Variants in DMD observed in about 807,000 individuals in gnomAD.
DMD encodes the protein mutant dystrophin.
DMD carries 63 observed loss-of-function variants against 330.1 expected under a neutral mutation model. The observed-to-expected ratio is 0.19, with a 90% confidence interval of 0.16 to 0.24. DMD has a LOEUF of 0.24. Ranked by LOEUF, DMD falls within the 10% of genes least tolerant of loss-of-function variation. The pLI, the probability that DMD is intolerant of heterozygous loss-of-function variation, is 1.00. For missense variants in DMD, 3,344 were observed against 2,684.1 expected (o/e 1.25, Z -5.43); for synonymous variants, 1,223 against 959.8 (o/e 1.27, Z -5.07).
chrX:33,336,854 C>G (rs1053214372), intron 1 of DMD, among the ~76,000 whole-genome samples: 1 of 111,027 alleles, frequency 9.0e-6, no homozygotes, highest in Non-Finnish European at 1.9e-5. Flanking sequence ...GCAGGCTGAC[C>G]CTGTTTTAGA....
chrX:32,897,608 C>A (rs2085843916), intron 2 of DMD, among the ~76,000 whole-genome samples: 1 of 112,454 alleles, frequency 8.9e-6, no homozygotes, highest in Non-Finnish European at 1.9e-5. Context: ...CATTTGCCAA[C>A]TGTTGTTATA....
In DMD at chrX:32,438,361, C is replaced by T. The variant is rs199643655; in HGVS notation, c.3951G>A (p.Glu1317=). 3.2e-4 allele frequency: 391 copies of T among 1,209,796 alleles called. No homozygotes were observed. The highest frequency in any genetic ancestry group is 4.1e-4 in the Non-Finnish European group (370 of 895,105). The change falls in exon 29 of 79, where the codon GAG becomes GAA. Residue 1317 remains glutamate, a synonymous_variant. Coordinates refer to ENST00000357033, the MANE Select transcript of DMD (RefSeq NM_004006.3). ...ATATGCGAATCTGATTTGGGTTATCCTCTGAATGTCGCATCAAATTTTCAA... is the reference window on the plus strand; with the variant it reads ...ATATGCGAATCTGATTTGGGTTATCTTCTGAATGTCGCATCAAATTTTCAA... ...DSLENLMRHS[E]DNPNQIRILA... is the part of the protein sequence containing the mutation.
At chrX:32,522,710 T>G (rs1426093645) in intron 17 of DMD, among the ~76,000 whole-genome samples, 1 of 112,188 alleles carries the variant, frequency 8.9e-6, no homozygotes, top group Non-Finnish European at 1.9e-5. Context: ...AGAAACAAAT[T>G]TCGCTTCATA....
chrX:31,963,588 C>T (rs928353457), intron 45 of DMD, among the ~76,000 whole-genome samples: 12 of 110,711 alleles, frequency 1.1e-4, no homozygotes, highest in African/African-American at 2.0e-4. Context: ...TACGTTTCTA[C>T]GTACTATTCA....
At chrX:31,180,770 T>G (rs1359305774) in intron 68 of DMD, among the ~76,000 whole-genome samples, 1 of 111,789 alleles carries the variant, frequency 8.9e-6, no homozygotes, top group East Asian at 2.8e-4. Flanking sequence ...AGTAGGAAGG[T>G]ACTGGAAAAT....
At chrX:32,254,236 T>G (rs1167059278) in intron 43 of DMD, among the ~76,000 whole-genome samples, 1 of 111,293 alleles carries the variant, frequency 9.0e-6, no homozygotes, top group Non-Finnish European at 1.9e-5. Context: ...GAGATGGGGT[T>G]TCACCATGTT....
At chrX:32,066,780 GCA>G (rs1296480699) in intron 44 of DMD, among the ~76,000 whole-genome samples, 1 of 111,321 alleles carries the variant, frequency 9.0e-6, no homozygotes, top group Non-Finnish European at 1.9e-5. Context: ...ACTTCTGTGC[GCA>G]CAAACTAATG....
chrX:32,690,009 A>C (rs2063157469), intron 9 of DMD, among the ~76,000 whole-genome samples: 1 of 110,367 alleles, frequency 9.1e-6, no homozygotes, highest in Non-Finnish European at 1.9e-5. Context: ...CAAGGTAAGT[A>C]TGCCCATTCT....
At chrX:32,647,300 A>G (rs907248796) in intron 9 of DMD, among the ~76,000 whole-genome samples, 2 of 111,902 alleles carry the variant, frequency 1.8e-5, no homozygotes, top group African/African-American at 6.5e-5. Context: ...TGCATATAGC[A>G]TTTTCAATGC....
intron 1 of DMD, among the ~76,000 whole-genome samples, chrX:33,122,334 A>G (rs1199962230): frequency 8.8e-6 from 1 of 113,051 alleles, no homozygotes; most frequent in Non-Finnish European, 1.9e-5. Context: ...CTCAATGTAT[A>G]TATTTTAACT....
At chrX:33,285,692 C>A (rs1173268935) in intron 1 of DMD, among the ~76,000 whole-genome samples, 1 of 111,658 alleles carries the variant, frequency 9.0e-6, no homozygotes, top group African/African-American at 3.3e-5. Flanking sequence ...CTGACTGGAC[C>A]AAGATTGAGG....
intron 43 of DMD, among the ~76,000 whole-genome samples, chrX:32,278,017 C>T (rs1383628455): frequency 3.6e-5 from 4 of 110,712 alleles, no homozygotes; most frequent in South Asian, 7.6e-4. Context: ...GTCAACAAAA[C>T]GAAAAGTTGG....
chrX:31,492,401 A>G lies in DMD; in HGVS notation c.8547+4387T>C, dbSNP rs146503673. Among the ~76,000 whole-genome samples the G allele has an allele frequency of 2.2e-3, 248 of 112,223 alleles. 1 individual carries two copies. The highest frequency in any genetic ancestry group is 7.3e-3 in the African/African-American group (227 of 30,891). ...AGTCCATATATGAAAGGGCTACCAC[A>G]TACATGTGACAAAACTTTGAGTCAA... On this transcript the variant is annotated intron_variant, in intron 57 of 78. Coordinates refer to ENST00000357033, the MANE Select transcript of DMD (RefSeq NM_004006.3).
chrX:31,890,567 G>A (rs1225160425), intron 47 of DMD, among the ~76,000 whole-genome samples: 1 of 109,104 alleles, frequency 9.2e-6, no homozygotes, highest in Non-Finnish European at 1.9e-5. Flanking sequence ...AAGTTATCTT[G>A]AACAGTGTTA....
At chrX:33,035,481 C>G (rs1234433583) in intron 1 of DMD, among the ~76,000 whole-genome samples, 1 of 111,600 alleles carries the variant, frequency 9.0e-6, no homozygotes, top group Non-Finnish European at 1.9e-5. Flanking sequence ...TACACAGATG[C>G]AGTTTCTTGT....
intron 52 of DMD, among the ~76,000 whole-genome samples, chrX:31,684,541 G>T (rs778890544): frequency 8.9e-6 from 1 of 111,860 alleles, no homozygotes; most frequent in East Asian, 2.8e-4. Flanking sequence ...ATTCAAAGAT[G>T]GACTTATGGT....
At chrX:32,588,868 A>G (rs892290511) in intron 13 of DMD, among the ~76,000 whole-genome samples, 3 of 112,271 alleles carry the variant, frequency 2.7e-5, no homozygotes, top group African/African-American at 9.7e-5. Flanking sequence ...AGGTGTCATG[A>G]TAAGTGCCAG....
intron 9 of DMD, among the ~76,000 whole-genome samples, chrX:32,665,273 A>G (rs941538361): frequency 3.6e-5 from 4 of 111,765 alleles, no homozygotes; most frequent in African/African-American, 1.3e-4. Flanking sequence ...AATTAAGAAT[A>G]TGGGCTGTGG....
At chrX:33,213,904 G>A (rs2052003081), upstream of DMD, among the ~76,000 whole-genome samples, 1 of 111,367 alleles carries the variant, frequency 9.0e-6, no homozygotes, top group African/African-American at 3.3e-5. Flanking sequence ...TTTGCCTCAT[G>A]CTACCCCTTT....
Sources: allele counts gnomAD v4.1 joint callset (sites outside exome capture counted in the v4.1 genomes callset), GRCh38; gene constraint gnomAD v4.1.1; transcripts MANE v1.5; gene names NCBI Gene and HGNC (gene_info 2026-07-23, HGNC 2026-07-21).